LRFN5: variants seen among roughly 807,000 people sequenced by gnomAD.
The protein encoded by LRFN5 is leucine-rich repeat and fibronectin type-III domain-containing protein 5.
LRFN5 carries 24 observed loss-of-function variants against 45.6 expected under a neutral mutation model. The ratio of observed to expected loss-of-function variants is 0.53; its 90% CI spans 0.38 to 0.74. The LOEUF is 0.74. LRFN5 is among the 30% of genes least tolerant of loss of function. LRFN5 has a pLI of 0.00. For synonymous variants in LRFN5, 340 were observed against 313.8 expected, an observed-to-expected ratio of 1.08 and a Z score of -0.88; for missense variants, 776 against 861.5, an observed-to-expected ratio of 0.90 and a Z score of 1.24.
chr14:41,698,881 GT>G (rs1322011495), intron 1 of LRFN5, among the ~76,000 whole-genome samples: 1 of 152,048 alleles, frequency 6.6e-6, no homozygotes, highest in African/African-American at 2.4e-5. Context: ...ATTAATTTGT[GT>G]ATGGTAAGAA....
chr14:41,772,729 T>C (rs182483484), intron 2 of LRFN5, among the ~76,000 whole-genome samples: 1 of 152,322 alleles, frequency 6.6e-6, no homozygotes, highest in African/African-American at 2.4e-5. Context: ...TCTTGCCACA[T>C]ACATTCTTCT....
At chr14:41,673,626 C>G (rs1394364235) in intron 1 of LRFN5, among the ~76,000 whole-genome samples, 17 of 127,510 alleles carry the variant, frequency 1.3e-4, no homozygotes, top group Admixed American at 1.2e-3. Context: ...AGGGGACTGA[C>G]CCCCCCACCT....
intron 1 of LRFN5, among the ~76,000 whole-genome samples, chr14:41,650,262 CACACAAAAAA>C (rs1001294955): frequency 3.8e-4 from 51 of 135,464 alleles, no homozygotes; most frequent in Admixed American, 4.7e-4. Context: ...CACACACACA[CACACAAAAAA>C]AAAAAAGATA....
chr14:41,883,713 G>A lies in LRFN5; in HGVS notation c.-20-2893G>A, dbSNP rs139844584. 2.3e-3 allele frequency among the ~76,000 whole-genome samples: 354 copies of A among 152,098 alleles called. 2 individuals carry two copies. Among genetic ancestry groups the A allele is most frequent in the African/African-American group, 8.0e-3 (332 of 41,482 alleles). ...TGTTTACCTTACCTTATTGTAATCC[G>A]TCTTATTTCTATGCCTACATTTAAG... On this transcript the variant is annotated intron_variant, in intron 2 of 5. Coordinates refer to ENST00000298119, the MANE Select transcript of LRFN5 (RefSeq NM_152447.5).
intron 1 of LRFN5, among the ~76,000 whole-genome samples, chr14:41,752,421 T>C (rs377413244): frequency 3.9e-5 from 6 of 152,150 alleles, no homozygotes; most frequent in Non-Finnish European, 7.4e-5. Flanking sequence ...TCCTCTCCAG[T>C]ACCTGTTGTT....
chr14:41,862,334 A>T (rs1284937255), intron 2 of LRFN5, among the ~76,000 whole-genome samples: 1 of 152,138 alleles, frequency 6.6e-6, no homozygotes, highest in Non-Finnish European at 1.5e-5. Context: ...AGAATCACCC[A>T]GTACTTTATG....
At chr14:41,752,335 G>A (rs543663089) in intron 1 of LRFN5, among the ~76,000 whole-genome samples, 11 of 152,216 alleles carry the variant, frequency 7.2e-5, no homozygotes, top group Admixed American at 1.3e-4. Flanking sequence ...CTGAGGAATC[G>A]CCACACTGAC....
At chr14:41,649,807 A>G (rs1458592588) in intron 1 of LRFN5, among the ~76,000 whole-genome samples, 2 of 152,150 alleles carry the variant, frequency 1.3e-5, no homozygotes, top group East Asian at 1.9e-4. Flanking sequence ...CTCTTTGGCT[A>G]TAAATTCCTA....
intron 4 of LRFN5, chr14:41,892,982 C>T: frequency 1.0e-6 from 1 of 985,008 alleles, no homozygotes; most frequent in Non-Finnish European, 1.2e-6. Flanking sequence ...TTATTTTTAT[C>T]ACCAAGTAAA....
chr14:41,790,924 A>C (rs1435701450), intron 2 of LRFN5, among the ~76,000 whole-genome samples: 1 of 151,718 alleles, frequency 6.6e-6, no homozygotes, highest in South Asian at 2.1e-4. Flanking sequence ...TATGTGACTA[A>C]ATCCTTTATA....
At chr14:41,721,788 T>C (rs896270214) in intron 1 of LRFN5, among the ~76,000 whole-genome samples, 10 of 152,188 alleles carry the variant, frequency 6.6e-5, no homozygotes, top group African/African-American at 2.4e-4. Flanking sequence ...TTTCTCAAGC[T>C]ACCTTTTAGA....
intron 4 of LRFN5, chr14:41,894,508 A>AT (rs1890877131): frequency 3.1e-6 from 3 of 967,066 alleles, no homozygotes; most frequent in South Asian, 9.6e-5. Flanking sequence ...CTGGCCTGAG[A>AT]TTTTGCCCTT....
intron 2 of LRFN5, among the ~76,000 whole-genome samples, chr14:41,813,532 T>C (rs541277502): frequency 3.9e-5 from 6 of 152,306 alleles, no homozygotes; most frequent in South Asian, 2.1e-4. Context: ...ACTCACTCTT[T>C]TTTATGGCTG....
chr14:41,644,455 G>C (rs2138604859), intron 1 of LRFN5, among the ~76,000 whole-genome samples: 1 of 152,222 alleles, frequency 6.6e-6, no homozygotes, highest in African/African-American at 2.4e-5. Context: ...TTAAAGTTTT[G>C]ATAGTGTAAT....
At chr14:41,829,905 T>C (rs1009929831) in intron 2 of LRFN5, among the ~76,000 whole-genome samples, 2 of 151,430 alleles carry the variant, frequency 1.3e-5, no homozygotes, top group African/African-American at 4.8e-5. Flanking sequence ...AGTTCATCTA[T>C]ATTTTGTTCA....
rs556243451 is a variant in LRFN5, at chr14:41,878,105, A to G, written c.-20-8501A>G. ...AAATGTTAGCATTTATAGTCTCTCT[A>G]GAAAAAAAGTTAGACAGAAAACCTA... On this transcript the variant is annotated intron_variant, in intron 2 of 5. Transcript: ENST00000298119. Among the ~76,000 whole-genome samples, 5 of 152,268 alleles carry G rather than the reference A, an allele frequency of 3.3e-5. No individual in the cohort carries two copies. The South Asian group carries it at 1.0e-3, about 32-fold the overall frequency.
At chr14:41,799,386 G>A (rs1441588703) in intron 2 of LRFN5, among the ~76,000 whole-genome samples, 1 of 151,926 alleles carries the variant, frequency 6.6e-6, no homozygotes, top group Non-Finnish European at 1.5e-5. Context: ...TATTGAGGGG[G>A]ATCACTGCTG....
At chr14:41,660,367 A>T (rs1193681043) in intron 1 of LRFN5, among the ~76,000 whole-genome samples, 3 of 151,866 alleles carry the variant, frequency 2.0e-5, no homozygotes, top group Non-Finnish European at 4.4e-5. Context: ...TTCTATTTCA[A>T]CCCCAAACCC....
intron 2 of LRFN5, among the ~76,000 whole-genome samples, chr14:41,813,498 T>A (rs1049576096): frequency 1.3e-5 from 2 of 152,184 alleles, no homozygotes; most frequent in African/African-American, 4.8e-5. Flanking sequence ...TCCAGCTTCA[T>A]CCATGTCCCT....
Sources: allele counts gnomAD v4.1 joint callset (sites outside exome capture counted in the v4.1 genomes callset), GRCh38; gene constraint gnomAD v4.1.1; transcripts MANE v1.5; gene names NCBI Gene and HGNC (gene_info 2026-07-23, HGNC 2026-07-21).